The following TXLNB variants were observed in gnomAD, a reference collection of about 807,000 sequenced individuals.
TXLNB encodes the protein taxilin beta.
TXLNB carries 37 observed loss-of-function variants against 57.4 expected under a neutral mutation model. The observed-to-expected ratio is 0.64, with a 90% CI of 0.50 to 0.85. The LOEUF (loss-of-function observed/expected upper bound fraction) is 0.85. TXLNB is among the 40% of genes least tolerant of loss of function. The pLI is 0.00. For synonymous variants in TXLNB, 302 were observed against 309.6 expected (o/e 0.98, Z 0.26); for missense variants, 848 against 825.6 (o/e 1.03, Z -0.33).
chr6:139,215,729 G>T, the TXLNB span, among the ~76,000 whole-genome samples: 6 of 152,172 alleles, frequency 3.9e-5, no homozygotes, highest in Non-Finnish European at 7.4e-5. Context: ...CCTACTCATT[G>T]GACAAAGGGC....
chr6:139,261,348 C>T (rs142363689), intron 5 of TXLNB, among the ~76,000 whole-genome samples: 2 of 152,148 alleles, frequency 1.3e-5, no homozygotes, highest in East Asian at 3.9e-4. Flanking sequence ...GGTAGCATGG[C>T]ATTTTGGCTT....
At chr6:139,189,358 T>G in the TXLNB span, among the ~76,000 whole-genome samples, 2 of 152,338 alleles carry the variant, frequency 1.3e-5, no homozygotes, top group South Asian at 4.1e-4. Flanking sequence ...CTGCTAAGCA[T>G]TAAAATTCAA....
At chr6:139,291,214 A>G (rs1777293096) in intron 1 of TXLNB, among the ~76,000 whole-genome samples, 2 of 152,226 alleles carry the variant, frequency 1.3e-5, no homozygotes, top group South Asian at 4.1e-4. Context: ...GCCGTTTAGC[A>G]CTTCATCCTT....
At chr6:139,179,814 A>C in the TXLNB span, 1 of 152,208 alleles carries the variant, frequency 6.6e-6, no homozygotes. Context: ...TAGTTACCCA[A>C]GAGATCCAAT....
the TXLNB span, among the ~76,000 whole-genome samples, chr6:139,171,508 T>C: frequency 1.3e-5 from 2 of 152,252 alleles, no homozygotes; most frequent in Non-Finnish European, 2.9e-5. Context: ...TGACCACATA[T>C]CAGCATTTTT....
At chr6:139,248,830 C>T (rs186224965) in intron 7 of TXLNB, among the ~76,000 whole-genome samples, 128 of 152,284 alleles carry the variant, frequency 8.4e-4, no homozygotes, top group African/African-American at 2.9e-3. Context: ...AATGAAAAGA[C>T]GTGATAAAGG....
At chr6:139,267,686 T>C (rs916139928) in intron 4 of TXLNB, among the ~76,000 whole-genome samples, 2 of 152,176 alleles carry the variant, frequency 1.3e-5, no homozygotes, top group South Asian at 2.1e-4. Context: ...GGGCAGATAC[T>C]GTAGGAATGA....
the TXLNB span, among the ~76,000 whole-genome samples, chr6:139,316,244 C>T: frequency 6.6e-6 from 1 of 152,300 alleles, no homozygotes; most frequent in East Asian, 1.9e-4. Context: ...CTGTGCACTT[C>T]CTTATAAAAT....
chr6:139,308,354 C>T, the TXLNB span, among the ~76,000 whole-genome samples: 30 of 152,194 alleles, frequency 2.0e-4, no homozygotes, highest in African/African-American at 5.5e-4. Flanking sequence ...ATTGGAAGGA[C>T]TTCCAAAGAC....
intron 7 of TXLNB, among the ~76,000 whole-genome samples, chr6:139,250,439 C>A (rs1776175398): frequency 6.7e-6 from 1 of 148,276 alleles, no homozygotes; most frequent in Non-Finnish European, 1.5e-5. Flanking sequence ...ATGGGTCAGA[C>A]CTCTTGGTCT....
At chr6:139,284,787 C>A (rs1777134277) in intron 2 of TXLNB, among the ~76,000 whole-genome samples, 2 of 145,762 alleles carry the variant, frequency 1.4e-5, no homozygotes, top group Non-Finnish European at 3.1e-5. Flanking sequence ...GTTGGAAAAC[C>A]ATTAGTCTAG....
At chr6:139,289,313 C>T (rs1351862057) in intron 1 of TXLNB, among the ~76,000 whole-genome samples, 1 of 146,880 alleles carries the variant, frequency 6.8e-6, no homozygotes, top group Non-Finnish European at 1.5e-5. Flanking sequence ...CCGGTGCATG[C>T]AGCCCCCAGT....
chr6:139,290,235 C>T (rs540913442), intron 1 of TXLNB, among the ~76,000 whole-genome samples: 103 of 152,144 alleles, frequency 6.8e-4, no homozygotes, highest in African/African-American at 2.3e-3. Context: ...CAAAAATTAG[C>T]CAGGTGTGGT....
At chr6:139,254,811 T>C (rs1258946620) in intron 7 of TXLNB, among the ~76,000 whole-genome samples, 1 of 152,148 alleles carries the variant, frequency 6.6e-6, no homozygotes, top group Non-Finnish European at 1.5e-5. Context: ...ACTATTTTTC[T>C]CATTTTCTTT....
chr6:139,169,424 C>T, the TXLNB span, among the ~76,000 whole-genome samples: 1 of 152,104 alleles, frequency 6.6e-6, no homozygotes, highest in Non-Finnish European at 1.5e-5. Context: ...TTTTTAATAG[C>T]ATTCTCTTCT....
intron 2 of TXLNB, 152 bp from the exon 3 acceptor site, chr6:139,277,073 G>A (rs1776917675): frequency 1.7e-6 from 1 of 587,006 alleles, no homozygotes; most frequent in East Asian, 3.0e-5. Flanking sequence ...TAGAAATGAT[G>A]ACACCTACCT....
the TXLNB span, among the ~76,000 whole-genome samples, chr6:139,199,180 T>G: frequency 6.6e-6 from 1 of 152,166 alleles, no homozygotes; most frequent in Admixed American, 6.5e-5. Context: ...AAAATGATCA[T>G]ATTGTTAGTA....
intron 6 of TXLNB, among the ~76,000 whole-genome samples, chr6:139,258,440 G>A (rs1453547092): frequency 6.6e-6 from 1 of 152,108 alleles, no homozygotes; most frequent in Non-Finnish European, 1.5e-5. Context: ...AATAATAATT[G>A]AATGTTTTAT....
the TXLNB span, among the ~76,000 whole-genome samples, chr6:139,193,965 C>T: frequency 6.7e-6 from 1 of 149,958 alleles, no homozygotes; most frequent in Admixed American, 6.6e-5. Context: ...CCTCAGCCTC[C>T]CGAGTAGCTG....
Sources: allele counts gnomAD v4.1 joint callset (sites outside exome capture counted in the v4.1 genomes callset), GRCh38; gene constraint gnomAD v4.1.1; transcripts MANE v1.5; gene names NCBI Gene and HGNC (gene_info 2026-07-23, HGNC 2026-07-21).